Variants in TNIK observed in about 807,000 individuals in gnomAD.
TNIK encodes TRAF2 and NCK interacting kinase.
Under a neutral mutation model 191.3 loss-of-function variants are expected in TNIK, and 49 were observed. That is an observed-to-expected ratio of 0.26 (90% CI 0.20 to 0.32). The LOEUF is 0.32. TNIK is among the 10% of genes least tolerant of loss of function. The pLI is 1.00. For synonymous variants in TNIK, 594 were observed against 600.9 expected (o/e 0.99, Z 0.17); for missense variants, 1,155 against 1,702.3 (o/e 0.68, Z 5.66).
intron 9 of TNIK, among the ~76,000 whole-genome samples, chr3:171,173,581 A>G (rs953254287): frequency 1.3e-5 from 2 of 152,122 alleles, no homozygotes; most frequent in African/African-American, 4.8e-5. Context: ...AAGGCCAGAA[A>G]TCTAAATGTA....
chr3:171,250,611 G>A (rs1746117196), intron 2 of TNIK, among the ~76,000 whole-genome samples: 1 of 152,188 alleles, frequency 6.6e-6, no homozygotes, highest in Admixed American at 6.5e-5. Flanking sequence ...GCTGTGGGAG[G>A]TGGGAACAAC....
intron 2 of TNIK, among the ~76,000 whole-genome samples, chr3:171,267,643 C>A (rs1354976387): frequency 6.6e-6 from 1 of 152,146 alleles, no homozygotes; most frequent in African/African-American, 2.4e-5. Flanking sequence ...TTAATAACAT[C>A]TTATCGTAAG....
At chr3:171,432,744 C>A (rs1725530226) in intron 1 of TNIK, among the ~76,000 whole-genome samples, 1 of 152,108 alleles carries the variant, frequency 6.6e-6, no homozygotes. Flanking sequence ...TAAAACACTG[C>A]ACGTGTATAA....
chr3:171,300,640 A>C (rs867160529), intron 2 of TNIK, among the ~76,000 whole-genome samples: 1 of 152,192 alleles, frequency 6.6e-6, no homozygotes, highest in Non-Finnish European at 1.5e-5. Flanking sequence ...TCAAATATCC[A>C]TCATATTCCG....
intron 1 of TNIK, among the ~76,000 whole-genome samples, chr3:171,403,611 C>CAAAAAAAAAAAAA (rs57982642): frequency 1.0e-5 from 1 of 100,168 alleles, no homozygotes; most frequent in African/African-American, 4.2e-5. Flanking sequence ...GACTCCGTAT[C>CAAAAAAAAAAAAA]AAAAAAAAAA....
chr3:171,119,064 T>G (rs1379516958), intron 18 of TNIK, among the ~76,000 whole-genome samples: 1 of 152,032 alleles, frequency 6.6e-6, no homozygotes, highest in Non-Finnish European at 1.5e-5. Flanking sequence ...AGGGCTAATA[T>G]CCAGAATCTA....
chr3:171,064,534 C>T (rs1718181534), intron 32 of TNIK, among the ~76,000 whole-genome samples: 1 of 152,162 alleles, frequency 6.6e-6, no homozygotes, highest in Non-Finnish European at 1.5e-5. Context: ...CTCATTTTGG[C>T]ATTTCAAGAG....
intron 4 of TNIK, 99 bp downstream of exon 4, chr3:171,211,017 A>G (rs1435872789): frequency 1.4e-6 from 2 of 1,458,898 alleles, no homozygotes; most frequent in African/African-American, 2.9e-5. Context: ...ATGGTTAAAG[A>G]AGGAGTTAAT....
chr3:171,265,076 C>T (rs964016972), intron 2 of TNIK, among the ~76,000 whole-genome samples: 2 of 152,106 alleles, frequency 1.3e-5, no homozygotes, highest in African/African-American at 4.8e-5. Context: ...TAGGCATCTA[C>T]TAGAAGAAGG....
intron 1 of TNIK, among the ~76,000 whole-genome samples, chr3:171,392,376 A>C (rs952990203): frequency 6.6e-6 from 1 of 152,224 alleles, no homozygotes; most frequent in Admixed American, 6.5e-5. Flanking sequence ...TGGAGTCAGC[A>C]AGACCAGATA....
At chr3:171,065,873 T>C (rs911372221) in intron 32 of TNIK, among the ~76,000 whole-genome samples, 1 of 152,224 alleles carries the variant, frequency 6.6e-6, no homozygotes, top group African/African-American at 2.4e-5. Flanking sequence ...CACTGTGAGA[T>C]GATTAATGAT....
chr3:171,429,796 T>G (rs973695675), intron 1 of TNIK, among the ~76,000 whole-genome samples: 2 of 152,178 alleles, frequency 1.3e-5, no homozygotes, highest in Non-Finnish European at 2.9e-5. Context: ...CATCAAGGTC[T>G]TGCTGGAATC....
chr3:171,424,201 A>G, intron 1 of TNIK, among the ~76,000 whole-genome samples: 1 of 152,266 alleles, frequency 6.6e-6, no homozygotes, highest in Non-Finnish European at 1.5e-5. Flanking sequence ...TCAAAAGAAG[A>G]CATTTATGCA....
chr3:171,325,069 T>C (rs556651031), intron 2 of TNIK, among the ~76,000 whole-genome samples: 6 of 152,100 alleles, frequency 3.9e-5, no homozygotes, highest in East Asian at 1.9e-4. Flanking sequence ...CCACTGCACT[T>C]CAGCCTGGGC....
At chr3:171,193,832 G>C (rs1738344985) in intron 5 of TNIK, among the ~76,000 whole-genome samples, 1 of 152,190 alleles carries the variant, frequency 6.6e-6, no homozygotes, top group South Asian at 2.1e-4. Flanking sequence ...GGATGATTAA[G>C]CTAGTCTGAA....
intron 2 of TNIK, among the ~76,000 whole-genome samples, chr3:171,252,230 T>C (rs774768417): frequency 6.6e-6 from 1 of 152,196 alleles, no homozygotes; most frequent in Non-Finnish European, 1.5e-5. Flanking sequence ...GTTCACCAGT[T>C]AGTTACAACC....
chr3:171,080,818 G>T (rs968550435), intron 27 of TNIK, among the ~76,000 whole-genome samples: 2 of 152,226 alleles, frequency 1.3e-5, no homozygotes, highest in South Asian at 2.1e-4. Context: ...GGGAATCATT[G>T]TGTGGTCAGT....
At chr3:171,157,409 T>A in intron 12 of TNIK, 51 bp downstream of exon 12, 2 of 1,540,372 alleles carry the variant, frequency 1.3e-6, no homozygotes, top group Non-Finnish European at 1.8e-6. Context: ...GCTTGGAGAG[T>A]GACCACAACT....
At chr3:171,205,925 G>A (rs1044170220) in intron 4 of TNIK, among the ~76,000 whole-genome samples, 3 of 152,124 alleles carry the variant, frequency 2.0e-5, no homozygotes, top group Non-Finnish European at 2.9e-5. Context: ...CTGATCACCT[G>A]CCAAAGGCCT....
Sources: gnomAD v4.1 joint callset for allele counts (sites outside exome capture counted in the v4.1 genomes callset) on GRCh38, gnomAD v4.1.1 for gene constraint, MANE v1.5 for transcripts, NCBI Gene and HGNC (gene_info 2026-07-23, HGNC 2026-07-21) for gene names.